Variants in CUL5 observed in about 807,000 individuals in gnomAD.
CUL5 encodes the protein cullin-5.
CUL5 carries 26 observed loss-of-function variants against 108.8 expected under a neutral mutation model. The ratio of observed to expected loss-of-function variants is 0.24; its 90% confidence interval spans 0.18 to 0.33. The LOEUF is 0.33. Among genes scored for constraint, CUL5 ranks in the 10% least tolerant of loss-of-function variants. The pLI, the probability that CUL5 is intolerant of heterozygous loss-of-function variation, is 1.00. For synonymous variants in CUL5, 334 were observed against 298.0 expected (o/e 1.12, Z -1.25); for missense variants, 524 against 909.2 (o/e 0.58, Z 5.45).
intron 7 of CUL5, among the ~76,000 whole-genome samples, chr11:108,066,122 C>G (rs1328934508): frequency 6.6e-6 from 1 of 152,142 alleles, no homozygotes; most frequent in Non-Finnish European, 1.5e-5. Context: ...AGGCAGATCA[C>G]AAGGTCAGGA....
At chr11:108,069,376 G>A (rs540666056) in intron 7 of CUL5, among the ~76,000 whole-genome samples, 9 of 152,148 alleles carry the variant, frequency 5.9e-5, no homozygotes, top group Admixed American at 5.2e-4. Context: ...TATCTTTCTA[G>A]CCTTCTCTTC....
intron 1 of CUL5, among the ~76,000 whole-genome samples, chr11:108,010,157 T>C (rs1862027787): frequency 6.6e-6 from 1 of 152,262 alleles, no homozygotes; most frequent in African/African-American, 2.4e-5. Flanking sequence ...AACTAGTCTG[T>C]TCTGTGTATG....
intron 9 of CUL5, among the ~76,000 whole-genome samples, 175 bp from the exon 10 acceptor site, chr11:108,073,215 G>T (rs1214962782): frequency 6.6e-6 from 1 of 150,460 alleles, no homozygotes. Context: ...AAAAAAAAAA[G>T]GAAGAAAGAA....
At chr11:108,083,901 G>A (rs1003314481) in intron 11 of CUL5, among the ~76,000 whole-genome samples, 4 of 152,180 alleles carry the variant, frequency 2.6e-5, no homozygotes, top group African/African-American at 9.7e-5. Context: ...CCAACCCTGC[G>A]GGCTGCATGC....
chr11:108,081,810 C>G (rs572117525), intron 11 of CUL5, among the ~76,000 whole-genome samples: 1 of 152,202 alleles, frequency 6.6e-6, no homozygotes, highest in Non-Finnish European at 1.5e-5. Flanking sequence ...TAGTTCAGTT[C>G]TATTGGTTTA....
intron 16 of CUL5, 58 bp from the exon 17 acceptor site, chr11:108,097,578 G>T: frequency 1.1e-6 from 1 of 932,704 alleles, no homozygotes; most frequent in South Asian, 1.5e-5. Context: ...TGGGAGAATT[G>T]ATCTTAGTAT....
chr11:108,037,799 G>C (rs975635659), intron 2 of CUL5, among the ~76,000 whole-genome samples: 2 of 152,162 alleles, frequency 1.3e-5, no homozygotes, highest in African/African-American at 4.8e-5. Context: ...AAACAGTTTG[G>C]AAATGTAAAA....
chr11:108,094,650 A>C, intron 14 of CUL5, 136 bp downstream of exon 14: 1 of 772,412 alleles, frequency 1.3e-6, no homozygotes, highest in Admixed American at 3.4e-5. Context: ...GACAGCTATC[A>C]AAGCAGTGTG....
At chr11:108,091,695 T>TCACACACACA (rs71303233) in intron 13 of CUL5, among the ~76,000 whole-genome samples, 13,935 of 137,934 alleles carry the variant, frequency 0.1, 840 homozygotes, top group Non-Finnish European at 0.13. Context: ...TCTCTCTCAC[T>TCACACACACA]CACACACACA....
chr11:108,063,664 A>ATAAG (rs201340912), intron 7 of CUL5, among the ~76,000 whole-genome samples: 2 of 150,734 alleles, frequency 1.3e-5, no homozygotes, highest in Non-Finnish European at 1.5e-5. Context: ...TTTAAAAAAA[A>ATAAG]TAAATAAATA....
rs567985994 is a variant in CUL5, at chr11:108,028,628, C to T, written c.25-5174C>T. 1.1e-3 allele frequency among the ~76,000 whole-genome samples: 165 copies of T among 152,136 alleles called. 5 individuals are homozygous for T. In the South Asian group the frequency reaches 0.033, roughly 31 times the overall value. On this transcript the variant is annotated intron_variant, in intron 1 of 18. Transcript: ENST00000393094. ...CCGAAGCGGGCGGATCACAAGGTCA[C>T]GAGTTAGAGACCAGCCTGGCCGACA...
At chr11:108,078,454 T>A (rs1863993336) in intron 11 of CUL5, among the ~76,000 whole-genome samples, 1 of 151,794 alleles carries the variant, frequency 6.6e-6, no homozygotes, top group East Asian at 1.9e-4. Flanking sequence ...AAAAAAAAAA[T>A]ATTCCTAATC....
chr11:108,074,444 C>A (rs935125108), intron 10 of CUL5, among the ~76,000 whole-genome samples: 34 of 151,806 alleles, frequency 2.2e-4, no homozygotes, highest in African/African-American at 2.4e-5. Flanking sequence ...ATGGGCCCGC[C>A]TCGGCCTCCC....
At chr11:108,083,652 A>G (rs1306093557) in intron 11 of CUL5, among the ~76,000 whole-genome samples, 3 of 152,196 alleles carry the variant, frequency 2.0e-5, no homozygotes, top group Non-Finnish European at 2.9e-5. Flanking sequence ...TTAGACGAGC[A>G]TGATGGTGCG....
chr11:108,035,747 T>A (rs1424389751), intron 2 of CUL5, among the ~76,000 whole-genome samples: 1 of 150,986 alleles, frequency 6.6e-6, no homozygotes, highest in Non-Finnish European at 1.5e-5. Flanking sequence ...AGCAAGACCT[T>A]GTCTCAAAAA....
intron 7 of CUL5, 98 bp from the exon 8 acceptor site, chr11:108,069,996 ATT>A: frequency 1.0e-5 from 6 of 599,676 alleles, no homozygotes; most frequent in South Asian, 5.8e-5. Flanking sequence ...TTTCAGTATA[ATT>A]TTTTTTTTGT....
At chr11:108,036,739 A>C (rs1164339899) in intron 2 of CUL5, among the ~76,000 whole-genome samples, 2 of 152,218 alleles carry the variant, frequency 1.3e-5, no homozygotes, top group Non-Finnish European at 2.9e-5. Context: ...TTGGCCTCCC[A>C]AAGTGTTGGG....
chr11:108,035,455 G>A lies in CUL5; in HGVS notation c.134+1544G>A, dbSNP rs541244348. Among the ~76,000 whole-genome samples the A allele has an allele frequency of 2.5e-3, 378 of 152,066 alleles. 2 individuals are homozygous for A. The highest frequency in any genetic ancestry group is 8.7e-3 in the African/African-American group (360 of 41,464). ...TTTTAAATATTCAGTAATCTTTGACGGCCAGACAAAGTGGCTTACGCCTGT... is the reference window on the plus strand; with the variant it reads ...TTTTAAATATTCAGTAATCTTTGACAGCCAGACAAAGTGGCTTACGCCTGT... On this transcript the variant is annotated intron_variant, in intron 2 of 18. Coordinates refer to ENST00000393094, the MANE Select transcript of CUL5 (RefSeq NM_003478.6).
At chr11:108,020,661 C>T (rs560216531) in intron 1 of CUL5, among the ~76,000 whole-genome samples, 1 of 151,750 alleles carries the variant, frequency 6.6e-6, no homozygotes, top group Admixed American at 6.6e-5. Flanking sequence ...GGATTAGAGG[C>T]GTGAGCCACT....
Sources: gnomAD v4.1 joint callset for allele counts (sites outside exome capture counted in the v4.1 genomes callset) on GRCh38, gnomAD v4.1.1 for gene constraint, MANE v1.5 for transcripts, NCBI Gene and HGNC (gene_info 2026-07-23, HGNC 2026-07-21) for gene names.